PHF19: variants seen among roughly 807,000 people sequenced by gnomAD.
PHF19 encodes polycomb like 3.
In PHF19, 21 loss-of-function variants were observed where a neutral mutation model predicts 79.8. The ratio of observed to expected loss-of-function variants is 0.26; its 90% CI spans 0.19 to 0.38. The LOEUF is 0.38. PHF19 is among the 10% of genes least tolerant of loss of function. The pLI, the probability that PHF19 is intolerant of heterozygous loss-of-function variation, is 1.00. For missense variants in PHF19, 445 were observed against 744.2 expected (o/e 0.60, Z 4.68); for synonymous variants, 273 against 296.3 (o/e 0.92, Z 0.81).
chr9:120,901,344 C>T, the PHF19 span, among the ~76,000 whole-genome samples: 1 of 152,174 alleles, frequency 6.6e-6, no homozygotes, highest in African/African-American at 2.4e-5. Context: ...AGGCATGTGC[C>T]ACCATGCCCA....
At chr9:120,877,290 C>T, upstream of PHF19, 2 of 956,504 alleles carry the variant, frequency 2.1e-6, no homozygotes, top group Non-Finnish European at 1.2e-6. Flanking sequence ...CCGGGGCGCT[C>T]AGGAAGGGGC....
In PHF19 at chr9:120,887,653, G is replaced by GAC. The variant is rs1010259077; in HGVS notation, c.42+7133_42+7134dup. 8.9e-3 allele frequency among the ~76,000 whole-genome samples: 282 copies of GAC among 31,752 alleles called. 4 individuals carry two copies. The East Asian group carries it at 0.12, about 13-fold the overall frequency. 20.8% of individuals were successfully genotyped at this position (31,752 alleles called of 152,430 possible). On this transcript the variant is annotated intron_variant, in intron 1 of 14. Coordinates refer to the PHF19 transcript ENST00000616568. The stretch of plus-strand genomic sequence containing the variant: ...ACACACACACACACACACACACACA[G>GAC]ACACACACACACACACACACACAGA...
At chr9:120,858,857 ACG>A (rs2045430570) in intron 14 of PHF19, among the ~76,000 whole-genome samples, 1 of 149,900 alleles carries the variant, frequency 6.7e-6, no homozygotes, top group South Asian at 2.1e-4. Flanking sequence ...ACACACACAC[ACG>A]GGTGTTAGAG....
intron 1 of PHF19, among the ~76,000 whole-genome samples, chr9:120,890,903 G>A (rs551686948): frequency 1.5e-4 from 23 of 152,300 alleles, no homozygotes; most frequent in Admixed American, 3.3e-4. Context: ...AAGGCCCTTT[G>A]TGATCTGACA....
chr9:120,874,197 G>A lies in PHF19; in HGVS notation c.187-137C>T. The A allele has an allele frequency of 1.6e-6, 1 of 625,882 alleles. No homozygotes were observed. The allele number at this position is 625,882 out of a possible 1,614,324, so 38.8% of individuals were successfully genotyped here. On this transcript the variant is annotated intron_variant, in intron 2 of 14. Transcript: ENST00000373896. The surrounding 1 kb of genome is among the most constrained non-coding windows in gnomAD (Gnocchi z 4.5). ...AAGGGGAAGAAGGATGGCAGTTCCT[G>A]GACAGGGTGTACTCCTAGTCACCTG...
At chr9:120,901,387 G>T in the PHF19 span, among the ~76,000 whole-genome samples, 1 of 152,022 alleles carries the variant, frequency 6.6e-6, no homozygotes, top group East Asian at 1.9e-4. Context: ...TAGAAACAGG[G>T]TTTCACTATG....
chr9:120,877,227 CG>C, upstream of PHF19: 2 of 150,338 alleles, frequency 1.3e-5, no homozygotes, highest in African/African-American at 5.5e-5. Flanking sequence ...TCGGCGGGGG[CG>C]GGGCGGGGCG....
chr9:120,888,049 T>C (rs7868822), intron 1 of PHF19, among the ~76,000 whole-genome samples: 104,141 of 152,104 alleles, frequency 0.68, 35,912 homozygotes, highest in South Asian at 0.8. Context: ...CTCAGCTCAC[T>C]GCAACCTCTG....
intron 1 of PHF19, among the ~76,000 whole-genome samples, chr9:120,886,508 A>G (rs1464648158): frequency 6.6e-6 from 1 of 152,266 alleles, no homozygotes; most frequent in Non-Finnish European, 1.5e-5. Flanking sequence ...CAGGGAAAGC[A>G]AAGAAAAACA....
Position 120,860,027 on chromosome 9 carries a change from G to T in PHF19, c.1400+63C>A. The T allele has an allele frequency of 2.4e-6, 2 of 826,208 alleles. No individual in the cohort carries two copies. The highest frequency in any genetic ancestry group is 1.4e-5 in the South Asian group (1 of 69,446). 51.2% of individuals were successfully genotyped at this position (826,208 alleles called of 1,614,324 possible). ...GCCACACATTACAGAAGTGGGAGGT[G>T]GAGGGGCTGAGAGGAATGATGGTCC... On this transcript the variant is annotated intron_variant, in intron 14 of 14. Transcript: ENST00000373896. The surrounding 1 kb of genome is among the most constrained non-coding windows in gnomAD (Gnocchi z 4.1).
At chr9:120,887,813 A>G (rs887683999) in intron 1 of PHF19, among the ~76,000 whole-genome samples, 14 of 152,192 alleles carry the variant, frequency 9.2e-5, no homozygotes, top group Non-Finnish European at 1.0e-4. Flanking sequence ...CACTTACGGT[A>G]TTGGAGAAGC....
rs2045869854 is a variant in PHF19, at chr9:120,870,684, G to A, written c.269-146C>T. 1.6e-6 allele frequency: 1 copy of A among 611,778 alleles called. No homozygotes were observed. The highest frequency in any genetic ancestry group is 3.0e-6 in the Non-Finnish European group (1 of 338,780). 37.9% of individuals were successfully genotyped at this position (611,778 alleles called of 1,614,324 possible). On this transcript the variant is annotated intron_variant, in intron 3 of 14. Transcript: ENST00000373896. This position sits in a 1 kb window ranked among gnomAD's most constrained non-coding sequence, Gnocchi z 4.4. ...CACTGAATCTCCCCAACCACTCTGAGATGCCTATCATCATTACCATTCGAA... is the reference window on the plus strand; with the variant it reads ...CACTGAATCTCCCCAACCACTCTGAAATGCCTATCATCATTACCATTCGAA...
At position 120,866,197 on chromosome 9, in the gene PHF19, A is replaced by T. The variant is rs2045695315; in HGVS notation, c.711-101T>A. ...CCTCATTCCCCACCTACCTTCCCAT[A>T]ATCTTCTCACTCCTAGGACTGCTGG... On this transcript the variant is annotated intron_variant, in intron 7 of 14. Coordinates refer to ENST00000373896, the MANE Select transcript of PHF19 (RefSeq NM_015651.3). This position sits in a 1 kb window ranked among gnomAD's most constrained non-coding sequence, Gnocchi z 5.2. 1 of 868,936 alleles carries T rather than the reference A, an allele frequency of 1.2e-6. No individual in the cohort carries two copies. Among genetic ancestry groups the T allele is most frequent in the Non-Finnish European group, 2.0e-6 (1 of 511,802 alleles). 53.8% of individuals were successfully genotyped at this position (868,936 alleles called of 1,614,324 possible).
intron 1 of PHF19, among the ~76,000 whole-genome samples, chr9:120,883,670 G>A (rs1308688201): frequency 1.3e-5 from 2 of 151,900 alleles, no homozygotes; most frequent in Non-Finnish European, 2.9e-5. Flanking sequence ...TGAGGTGGGA[G>A]GATCACTTGA....
chr9:120,861,480 A>G (rs1420875903), intron 12 of PHF19, among the ~76,000 whole-genome samples: 1 of 152,186 alleles, frequency 6.6e-6, no homozygotes, highest in Non-Finnish European at 1.5e-5. Flanking sequence ...AAAATTAAAT[A>G]ATGCTTCTAA....
intron 14 of PHF19, among the ~76,000 whole-genome samples, chr9:120,859,807 A>G (rs184487194): frequency 2.0e-5 from 3 of 152,298 alleles, no homozygotes; most frequent in Non-Finnish European, 2.9e-5. Context: ...CAGAACTGGA[A>G]TCGTCCAGTG....
chr9:120,865,017 CTA>C (rs1205465112), intron 9 of PHF19, among the ~76,000 whole-genome samples: 1 of 151,940 alleles, frequency 6.6e-6, no homozygotes, highest in Non-Finnish European at 1.5e-5. Context: ...TTTATAATAT[CTA>C]TTTTTTTAAA....
chr9:120,868,992 G>C, intron 6 of PHF19, 190 bp downstream of exon 6: 1 of 138,816 alleles, frequency 7.2e-6, no homozygotes, highest in Non-Finnish European at 9.4e-6. Context: ...CCGCCCCCGA[G>C]GCCCCACCCC....
chr9:120,872,802 A>C (rs1260347785), intron 3 of PHF19, among the ~76,000 whole-genome samples: 3 of 147,536 alleles, frequency 2.0e-5, no homozygotes, highest in Non-Finnish European at 4.4e-5. Context: ...CTGTATTTTT[A>C]GTAGAGACAG....
Sources: allele counts gnomAD v4.1 joint callset (sites outside exome capture counted in the v4.1 genomes callset), GRCh38; gene constraint gnomAD v4.1.1; non-coding constraint Gnocchi (gnomAD v3.1); transcripts MANE v1.5; gene names NCBI Gene and HGNC (gene_info 2026-07-23, HGNC 2026-07-21).